Variants in PTPRD observed in about 807,000 individuals in gnomAD.
PTPRD encodes the protein receptor-type tyrosine-protein phosphatase delta.
PTPRD carries 34 observed loss-of-function variants against 214.5 expected under a neutral mutation model. The observed-to-expected ratio is 0.16, with a 90% CI of 0.12 to 0.21. The LOEUF (loss-of-function observed/expected upper bound fraction) is 0.21. PTPRD is among the 10% of genes least tolerant of loss of function. The pLI is 1.00. For synonymous variants in PTPRD, 1,128 were observed against 845.7 expected, an observed-to-expected ratio of 1.33 and a Z score of -5.79; for missense variants, 2,545 against 2,398.7, an observed-to-expected ratio of 1.06 and a Z score of -1.27.
chr9:10,272,366 T>A (rs1364842111), intron 3 of PTPRD, among the ~76,000 whole-genome samples: 1 of 152,210 alleles, frequency 6.6e-6, no homozygotes, highest in East Asian at 1.9e-4. Flanking sequence ...GATATTTGAG[T>A]TATTTCTACT....
intron 10 of PTPRD, among the ~76,000 whole-genome samples, chr9:9,042,619 C>CTT (rs869116004): frequency 3.2e-5 from 2 of 62,302 alleles, no homozygotes; most frequent in African/African-American, 1.1e-4. Context: ...TTTTTCTTTT[C>CTT]TTTTTTTTTT....
At chr9:8,463,308 CAA>C (rs71308864) in intron 32 of PTPRD, among the ~76,000 whole-genome samples, 351 of 28,780 alleles carry the variant, frequency 0.012, 2 homozygotes, top group African/African-American at 0.033. Flanking sequence ...CAGAGGCAGC[CAA>C]AAAAAAAAAA....
intron 2 of PTPRD, among the ~76,000 whole-genome samples, chr9:10,589,438 G>C (rs991356339): frequency 6.6e-6 from 1 of 152,070 alleles, no homozygotes; most frequent in Non-Finnish European, 1.5e-5. Context: ...GTGAAGAAAA[G>C]AGAGTTGAAA....
At chr9:9,241,584 G>A (rs2099970364) in intron 9 of PTPRD, among the ~76,000 whole-genome samples, 1 of 152,002 alleles carries the variant, frequency 6.6e-6, no homozygotes. Context: ...TTACAGGTGG[G>A]TAAAAAATGT....
chr9:8,394,437 G>A (rs1275565224), intron 36 of PTPRD, among the ~76,000 whole-genome samples: 1 of 152,108 alleles, frequency 6.6e-6, no homozygotes, highest in Admixed American at 6.6e-5. Flanking sequence ...AGTCACGTGT[G>A]CATTTTAAAG....
At chr9:9,292,773 G>A (rs1370088711) in intron 9 of PTPRD, among the ~76,000 whole-genome samples, 2 of 151,302 alleles carry the variant, frequency 1.3e-5, no homozygotes, top group Admixed American at 1.3e-4. Context: ...TGTTTTTGAA[G>A]ATCTTGACAG....
At chr9:10,103,696 T>C (rs1451575350) in intron 3 of PTPRD, among the ~76,000 whole-genome samples, 3 of 151,516 alleles carry the variant, frequency 2.0e-5, no homozygotes, top group Non-Finnish European at 4.4e-5. Flanking sequence ...TATTTTCTAT[T>C]TCCTCCCAAA....
At chr9:9,666,103 A>G (rs1211008890) in intron 7 of PTPRD, among the ~76,000 whole-genome samples, 2 of 151,894 alleles carry the variant, frequency 1.3e-5, no homozygotes, top group Admixed American at 1.3e-4. Flanking sequence ...TTGTATACCC[A>G]TAAACCCCCA....
chr9:9,212,465 A>AT (rs1344643798), intron 9 of PTPRD, among the ~76,000 whole-genome samples: 1 of 152,126 alleles, frequency 6.6e-6, no homozygotes, highest in Non-Finnish European at 1.5e-5. Flanking sequence ...ATAACTTGTG[A>AT]TTTTAACGCT....
intron 11 of PTPRD, among the ~76,000 whole-genome samples, chr9:8,737,042 CATA>C (rs1423889870): frequency 6.6e-6 from 1 of 152,198 alleles, no homozygotes; most frequent in African/African-American, 2.4e-5. Context: ...CCAACTGCTA[CATA>C]ATGACTCCGT....
At chr9:8,721,856 C>T (rs138262297) in intron 12 of PTPRD, among the ~76,000 whole-genome samples, 122 of 152,292 alleles carry the variant, frequency 8.0e-4, no homozygotes, top group African/African-American at 2.6e-3. Context: ...TTCTCCCTTC[C>T]AAACCCCATA....
At chr9:9,035,320 A>C (rs1186543836) in intron 10 of PTPRD, among the ~76,000 whole-genome samples, 1 of 152,030 alleles carries the variant, frequency 6.6e-6, no homozygotes, top group African/African-American at 2.4e-5. Context: ...TATATAAAGT[A>C]CCTTCTCTGT....
At chr9:9,143,523 A>G (rs1005891510) in intron 10 of PTPRD, among the ~76,000 whole-genome samples, 2 of 152,208 alleles carry the variant, frequency 1.3e-5, no homozygotes, top group Non-Finnish European at 2.9e-5. Flanking sequence ...ATTGATGAAA[A>G]TCATTGATGG....
At position 10,202,671 on chromosome 9, in the gene PTPRD, GATATATAT is replaced by G. The variant is rs77962535; in HGVS notation, c.-545+138284_-545+138291del. On this transcript the variant is annotated intron_variant, in intron 3 of 45. Transcript: ENST00000381196. ...GATGCCTACTTATAAAAATTATATG[GATATATAT>G]ATATATATATATATATATATGCACC... is the stretch of plus-strand genomic sequence containing the variant. Among the ~76,000 whole-genome samples the G allele has an allele frequency of 1.6e-3, 181 of 113,114 alleles. 3 individuals are homozygous for G. The highest frequency in any genetic ancestry group is 2.4e-3 in the Non-Finnish European group (133 of 56,222). The allele number at this position is 113,114 out of a possible 152,430, so 74.2% of individuals were successfully genotyped here.
intron 11 of PTPRD, among the ~76,000 whole-genome samples, chr9:8,828,836 C>G (rs1311390946): frequency 3.3e-5 from 5 of 152,164 alleles, no homozygotes. Flanking sequence ...ATTCTCCTCT[C>G]CATGTAAACT....
chr9:9,117,863 T>G (rs936147996), intron 10 of PTPRD, among the ~76,000 whole-genome samples: 16 of 152,058 alleles, frequency 1.1e-4, no homozygotes, highest in African/African-American at 3.4e-4. Flanking sequence ...GAATGTATGG[T>G]AGAGGCAAAG....
At chr9:8,656,078 A>T (rs781272490) in intron 12 of PTPRD, among the ~76,000 whole-genome samples, 7 of 152,170 alleles carry the variant, frequency 4.6e-5, no homozygotes, top group South Asian at 2.1e-4. Flanking sequence ...CCTTTTATGA[A>T]AAAAACATTT....
intron 3 of PTPRD, among the ~76,000 whole-genome samples, chr9:10,274,067 TTC>T (rs2094553809): frequency 6.6e-6 from 1 of 152,066 alleles, no homozygotes; most frequent in Non-Finnish European, 1.5e-5. Context: ...GGCTGTGGGT[TTC>T]TGTTTCTTCA....
chr9:10,455,442 C>G (rs2098904383), intron 2 of PTPRD, among the ~76,000 whole-genome samples: 1 of 151,732 alleles, frequency 6.6e-6, no homozygotes, highest in Non-Finnish European at 1.5e-5. Context: ...CTTGTCTTAA[C>G]CTATCCTTTA....
Sources: gnomAD v4.1 joint callset for allele counts (sites outside exome capture counted in the v4.1 genomes callset) on GRCh38, gnomAD v4.1.1 for gene constraint, MANE v1.5 for transcripts, NCBI Gene and HGNC (gene_info 2026-07-23, HGNC 2026-07-21) for gene names.